MYO16: variants seen among roughly 807,000 people sequenced by gnomAD.
The protein encoded by MYO16 is myosin XVI, also known as unconventional myosin-XVI.
MYO16 carries 94 observed loss-of-function variants against 205.3 expected under a neutral mutation model. The observed-to-expected ratio is 0.46, with a 90% CI of 0.39 to 0.54. MYO16 has a LOEUF of 0.54. Ranked by LOEUF, MYO16 falls within the 20% of genes least tolerant of loss-of-function variation. The pLI is 0.00. For missense variants in MYO16, 2,315 were observed against 2,387.5 expected, an observed-to-expected ratio of 0.97 and a Z score of 0.63; for synonymous variants, 988 against 954.0, an observed-to-expected ratio of 1.04 and a Z score of -0.66.
rs1236268950 is a variant in MYO16, at chr13:108,629,615, G to T, written c.-230G>T. On this transcript the variant is annotated 5_prime_UTR_variant, in exon 1 of 35. Coordinates refer to ENST00000457511, the MANE Select transcript of MYO16 (RefSeq NM_001198950.3). ...GGGTGCTACAATAGCACGTGCACCA[G>T]TGGTGCCTCAAGACCCACCGGGGAG... 2.0e-6 allele frequency: 1 copy of T among 489,964 alleles called. No individual in the cohort carries two copies. The highest frequency in any genetic ancestry group is 3.7e-6 in the Non-Finnish European group (1 of 270,232). The allele number at this position is 489,964 out of a possible 1,614,324, so 30.4% of individuals were successfully genotyped here.
At chr13:109,014,338 T>G (rs1028984237) in intron 22 of MYO16, among the ~76,000 whole-genome samples, 1 of 152,246 alleles carries the variant, frequency 6.6e-6, no homozygotes, top group African/African-American at 2.4e-5. Context: ...TCTGTTTTGG[T>G]ACCAGTACCA....
intron 16 of MYO16, among the ~76,000 whole-genome samples, chr13:108,937,653 GA>G (rs376816465): frequency 2.6e-5 from 4 of 152,126 alleles, no homozygotes; most frequent in East Asian, 1.9e-4. Flanking sequence ...TCAATCTATT[GA>G]TAAAGCTTTC....
intron 2 of MYO16, among the ~76,000 whole-genome samples, chr13:108,699,927 GTTA>G (rs1472614607): frequency 3.3e-5 from 5 of 152,164 alleles, no homozygotes; most frequent in Non-Finnish European, 7.4e-5. Flanking sequence ...TGCTCCTGGA[GTTA>G]CAGAGAGACG....
chr13:108,904,581 C>A (rs1055474298), intron 15 of MYO16, among the ~76,000 whole-genome samples: 4 of 152,036 alleles, frequency 2.6e-5, no homozygotes, highest in African/African-American at 7.2e-5. Context: ...AAGTTTTGGT[C>A]CTGAAAATAT....
chr13:108,610,615 A>C (rs1054887502), intron 1 of MYO16, among the ~76,000 whole-genome samples: 10 of 152,192 alleles, frequency 6.6e-5, no homozygotes, highest in Admixed American at 6.5e-5. Context: ...GAAGTTATAC[A>C]AGCATTTTAA....
intron 4 of MYO16, among the ~76,000 whole-genome samples, chr13:108,737,114 T>C (rs1235511771): frequency 7.9e-5 from 12 of 152,164 alleles, no homozygotes; most frequent in Admixed American, 7.2e-4. Flanking sequence ...CTTTTCCTAA[T>C]TGAATACCCT....
At chr13:108,956,697 G>C (rs1265139636) in intron 16 of MYO16, among the ~76,000 whole-genome samples, 1 of 152,124 alleles carries the variant, frequency 6.6e-6, no homozygotes, top group Admixed American at 6.5e-5. Flanking sequence ...TAACCTGAAA[G>C]CCTGGGAGTT....
At chr13:109,200,370 T>A (rs1566560599) in intron 34 of MYO16, among the ~76,000 whole-genome samples, 1 of 152,234 alleles carries the variant, frequency 6.6e-6, no homozygotes, top group Non-Finnish European at 1.5e-5. Flanking sequence ...AAAATTTCCA[T>A]GAAATCCCTC....
intron 4 of MYO16, among the ~76,000 whole-genome samples, chr13:108,746,023 T>TA (rs1462241889): frequency 5.5e-5 from 7 of 126,848 alleles, no homozygotes; most frequent in South Asian, 2.4e-4. Flanking sequence ...CCATCTCTAC[T>TA]AAAAAAATAC....
intron 27 of MYO16, among the ~76,000 whole-genome samples, chr13:109,084,439 G>C (rs1191053185): frequency 3.3e-5 from 5 of 152,086 alleles, no homozygotes; most frequent in African/African-American, 7.3e-5. Flanking sequence ...AATATAATTA[G>C]AAATGAAAAT....
At chr13:108,667,320 G>GTTTTTTTTT (rs770988720) in intron 2 of MYO16, among the ~76,000 whole-genome samples, 1 of 128,534 alleles carries the variant, frequency 7.8e-6, no homozygotes, top group Non-Finnish European at 1.7e-5. Context: ...TTTCTGTTTT[G>GTTTTTTTTT]TTTTTTTTTT....
chr13:109,144,026 CT>C (rs11347920), intron 32 of MYO16, among the ~76,000 whole-genome samples: 32,777 of 143,640 alleles, frequency 0.23, 3,612 homozygotes, highest in African/African-American at 0.27. Context: ...TATAATAATT[CT>C]TTTTTTTTTT....
At chr13:108,610,642 G>A (rs1024476966) in intron 1 of MYO16, among the ~76,000 whole-genome samples, 1 of 152,160 alleles carries the variant, frequency 6.6e-6, no homozygotes, top group Non-Finnish European at 1.5e-5. Context: ...CCACATTCAC[G>A]CTGCCATTTA....
intron 12 of MYO16, among the ~76,000 whole-genome samples, chr13:108,882,117 A>C (rs1879645770): frequency 6.6e-6 from 1 of 152,174 alleles, no homozygotes; most frequent in African/African-American, 2.4e-5. Flanking sequence ...AGCATTTTAA[A>C]ATACTTTTCT....
At chr13:108,824,701 T>G (rs1277321473) in intron 9 of MYO16, among the ~76,000 whole-genome samples, 1 of 152,092 alleles carries the variant, frequency 6.6e-6, no homozygotes, top group Non-Finnish European at 1.5e-5. Flanking sequence ...GAACATTCTT[T>G]TACTAAAATC....
chr13:108,849,569 G>C (rs549615656), intron 10 of MYO16, among the ~76,000 whole-genome samples: 4 of 137,720 alleles, frequency 2.9e-5, no homozygotes, highest in Admixed American at 7.7e-5. Context: ...TCCATACTGG[G>C]TTATTTGCCC....
chr13:108,799,845 C>T (rs1161681069), intron 6 of MYO16, among the ~76,000 whole-genome samples: 1 of 152,090 alleles, frequency 6.6e-6, no homozygotes, highest in Non-Finnish European at 1.5e-5. Context: ...CATTCCCTTA[C>T]TAAACTCCAC....
At chr13:108,842,560 C>T (rs1216513785) in intron 9 of MYO16, among the ~76,000 whole-genome samples, 1 of 152,086 alleles carries the variant, frequency 6.6e-6, no homozygotes, top group African/African-American at 2.4e-5. Flanking sequence ...AAAATACCAC[C>T]TCACACCTGT....
intron 20 of MYO16, among the ~76,000 whole-genome samples, chr13:108,982,697 T>A (rs1884485879): frequency 6.6e-6 from 1 of 152,180 alleles, no homozygotes; most frequent in South Asian, 2.1e-4. Context: ...CATTTATGTC[T>A]TGTGAATCTT....
Sources: allele counts gnomAD v4.1 joint callset (sites outside exome capture counted in the v4.1 genomes callset), GRCh38; gene constraint gnomAD v4.1.1; transcripts MANE v1.5; gene names NCBI Gene and HGNC (gene_info 2026-07-23, HGNC 2026-07-21).